The following PITPNM3 variants were observed in gnomAD, a reference collection of about 807,000 sequenced individuals.
The protein encoded by PITPNM3 is membrane-associated phosphatidylinositol transfer protein 3.
A neutral mutation model predicts 102.0 loss-of-function variants in PITPNM3; 26 were observed. The ratio of observed to expected loss-of-function variants is 0.25; its 90% CI spans 0.19 to 0.35. The LOEUF is 0.35. PITPNM3 is among the 10% of genes least tolerant of loss of function. The pLI is 1.00. For synonymous variants in PITPNM3, 578 were observed against 558.6 expected (o/e 1.03, Z -0.49); for missense variants, 1,083 against 1,346.1 (o/e 0.80, Z 3.06).
At chr17:6,505,256 C>T (rs988730817) in intron 3 of PITPNM3, among the ~76,000 whole-genome samples, 4 of 149,652 alleles carry the variant, frequency 2.7e-5, no homozygotes, top group Non-Finnish European at 4.4e-5. Flanking sequence ...AACAGGTGTT[C>T]AATAAGTGAG....
At chr17:6,479,038 C>T in intron 6 of PITPNM3, 2 of 395,004 alleles carry the variant, frequency 5.1e-6, no homozygotes, top group Non-Finnish European at 9.2e-6. Context: ...CAAAGGGCAC[C>T]CCAATCATAG....
At chr17:6,464,793 G>A in intron 14 of PITPNM3, 22 bp from the exon 15 acceptor site, 2 of 1,612,638 alleles carry the variant, frequency 1.2e-6, no homozygotes, top group Non-Finnish European at 1.7e-6. Context: ...GAAAGAAGCT[G>A]GCTCAGCCCT....
chr17:6,488,006 G>C (rs1185044522), intron 4 of PITPNM3, among the ~76,000 whole-genome samples: 1 of 152,200 alleles, frequency 6.6e-6, no homozygotes, highest in Non-Finnish European at 1.5e-5. Context: ...GGGAGATGGA[G>C]GAAGGGAGAT....
At chr17:6,495,528 C>A (rs1050658263) in intron 4 of PITPNM3, among the ~76,000 whole-genome samples, 1 of 152,168 alleles carries the variant, frequency 6.6e-6, no homozygotes, top group Admixed American at 6.5e-5. Flanking sequence ...ATAAGAAGAC[C>A]TGGCCATCCC....
chr17:6,503,397 G>A, intron 4 of PITPNM3, 130 bp downstream of exon 4: 3 of 1,082,240 alleles, frequency 2.8e-6, no homozygotes, highest in South Asian at 1.3e-5. Context: ...CTCCGGTACT[G>A]CCTGCAGGCA....
At chr17:6,493,774 CAGGGCCTGGCCCTTGCG>C (rs1329501765) in intron 4 of PITPNM3, among the ~76,000 whole-genome samples, 1 of 152,240 alleles carries the variant, frequency 6.6e-6, no homozygotes, top group African/African-American at 2.4e-5. Context: ...TACCCCAGAC[CAGGGCCTGGCCCTTGCG>C]AGGGCCTATG....
At chr17:6,463,144 G>T (rs1904556539) in intron 17 of PITPNM3, among the ~76,000 whole-genome samples, 1 of 152,154 alleles carries the variant, frequency 6.6e-6, no homozygotes, top group African/African-American at 2.4e-5. Flanking sequence ...GAGCCCAGGA[G>T]CCAGGCCCGT....
chr17:6,540,693 T>C (rs1379277682), intron 1 of PITPNM3, among the ~76,000 whole-genome samples: 1 of 152,220 alleles, frequency 6.6e-6, no homozygotes, highest in African/African-American at 2.4e-5. Flanking sequence ...AGTTTTGCTC[T>C]TGTCGCCCAG....
At chr17:6,554,668 C>T (rs1597426187) in intron 1 of PITPNM3, among the ~76,000 whole-genome samples, 1 of 152,136 alleles carries the variant, frequency 6.6e-6, no homozygotes, top group Non-Finnish European at 1.5e-5. Flanking sequence ...GAGACTGGCA[C>T]CCCCATTTGG....
Position 6,478,409 on chromosome 17 carries a change from G to T in PITPNM3, c.777+138C>A. 8.8e-7 allele frequency: 1 copy of T among 1,133,092 alleles called. No homozygotes were observed. The highest frequency in any genetic ancestry group is 1.3e-6 in the Non-Finnish European group (1 of 777,716). The allele number at this position is 1,133,092 out of a possible 1,614,324, so 70.2% of individuals were successfully genotyped here. A position where few individuals can be genotyped will look rare whatever the true frequency, so the allele number is the denominator to read the frequency against. The stretch of plus-strand genomic sequence containing the variant: ...TCTGTAAAATGAGGGCTAACTCAGA[G>T]ATCTCAAAAGCCACCTTTGGGCTCA... On this transcript the variant is annotated intron_variant, in intron 7 of 19. Coordinates refer to ENST00000262483, the MANE Select transcript of PITPNM3 (RefSeq NM_031220.4). The surrounding 1 kb of genome is among the most constrained non-coding windows in gnomAD (Gnocchi z 4.4).
chr17:6,486,543 G>T (rs1406728235), intron 4 of PITPNM3, among the ~76,000 whole-genome samples: 1 of 152,194 alleles, frequency 6.6e-6, no homozygotes, highest in African/African-American at 2.4e-5. Context: ...CCCAGTCAAA[G>T]GGTAACTGCT....
At chr17:6,465,311 G>C (rs2150719409) in intron 14 of PITPNM3, among the ~76,000 whole-genome samples, 1 of 152,306 alleles carries the variant, frequency 6.6e-6, no homozygotes, top group South Asian at 2.1e-4. Context: ...CTCCCAAAGT[G>C]CTGGGATTAT....
chr17:6,537,869 G>C lies in PITPNM3; in HGVS notation c.118+118C>G. 1 of 834,606 alleles carries C rather than the reference G, an allele frequency of 1.2e-6. No individual in the cohort carries two copies. Among genetic ancestry groups the C allele is most frequent in the South Asian group, 1.4e-5 (1 of 69,414 alleles). The allele number at this position is 834,606 out of a possible 1,614,324, so 51.7% of individuals were successfully genotyped here. A position where few individuals can be genotyped will look rare whatever the true frequency, so the allele number is the denominator to read the frequency against. On this transcript the variant is annotated intron_variant, in intron 2 of 19. Coordinates refer to ENST00000262483, the MANE Select transcript of PITPNM3 (RefSeq NM_031220.4). This position sits in a 1 kb window ranked among gnomAD's most constrained non-coding sequence, Gnocchi z 4.4. ...TCCACAGGATGGGTAAGTATGGAGT[G>C]TGGAGCTGCAGATACCACGTCTGAG...
chr17:6,476,902 C>CGTATCA, intron 9 of PITPNM3, 127 bp downstream of exon 9: 6 of 1,206,948 alleles, frequency 5.0e-6, no homozygotes, highest in Admixed American at 4.3e-5. Flanking sequence ...GGCGAGTGGC[C>CGTATCA]TTGGTCCCAG....
chr17:6,503,421 C>T (rs1466871674), intron 4 of PITPNM3, 106 bp downstream of exon 4: 32 of 1,325,538 alleles, frequency 2.4e-5, no homozygotes, highest in Non-Finnish European at 3.3e-5. Flanking sequence ...TGGCAGGGAT[C>T]CTGCCATCCT....
intron 8 of PITPNM3, 145 bp from the exon 9 acceptor site, chr17:6,477,358 A>G: frequency 1.2e-6 from 1 of 868,066 alleles, no homozygotes; most frequent in Non-Finnish European, 1.8e-6. Flanking sequence ...ACAGGAAGCC[A>G]CATTGCAATC....
intron 9 of PITPNM3, among the ~76,000 whole-genome samples, chr17:6,476,089 CA>C (rs1451716981): frequency 6.6e-6 from 1 of 152,138 alleles, no homozygotes; most frequent in African/African-American, 2.4e-5. Context: ...ATTCATTCGA[CA>C]TTATATTGCC....
At chr17:6,514,887 T>A (rs974965462) in intron 3 of PITPNM3, among the ~76,000 whole-genome samples, 3 of 152,150 alleles carry the variant, frequency 2.0e-5, no homozygotes, top group Non-Finnish European at 4.4e-5. Flanking sequence ...ACATGGCATA[T>A]CCATACAATG....
intron 3 of PITPNM3, among the ~76,000 whole-genome samples, chr17:6,518,337 T>C (rs1597397717): frequency 6.6e-6 from 1 of 151,884 alleles, no homozygotes; most frequent in Admixed American, 6.6e-5. Context: ...TGGATGCAGG[T>C]TTTCTGGGGA....
Sources: gnomAD v4.1 joint callset for allele counts (sites outside exome capture counted in the v4.1 genomes callset) on GRCh38, gnomAD v4.1.1 for gene constraint, Gnocchi (gnomAD v3.1) non-coding constraint, MANE v1.5 for transcripts, NCBI Gene and HGNC (gene_info 2026-07-23, HGNC 2026-07-21) for gene names.